The following ROBO2 variants were observed in gnomAD, a reference collection of about 807,000 sequenced individuals.
The protein encoded by ROBO2 is roundabout guidance receptor 2, also known as roundabout homolog 2.
A neutral mutation model predicts 160.8 loss-of-function variants in ROBO2; 53 were observed. The ratio of observed to expected loss-of-function variants is 0.33; its 90% CI spans 0.26 to 0.41. The LOEUF (loss-of-function observed/expected upper bound fraction) is 0.41, where lower values mean the gene tolerates loss of function less well. ROBO2 is among the 10% of genes least tolerant of loss of function. The pLI is 1.00. For missense variants in ROBO2, 1,577 were observed against 1,722.4 expected (o/e 0.92, Z 1.49); for synonymous variants, 664 against 611.7 (o/e 1.09, Z -1.26).
intron 2 of ROBO2, among the ~76,000 whole-genome samples, chr3:76,059,835 G>A (rs1251636111): frequency 6.6e-6 from 1 of 152,066 alleles, no homozygotes; most frequent in Non-Finnish European, 1.5e-5. Context: ...TATAAGGTGT[G>A]AGGAAAGGAT....
At chr3:76,503,930 T>C (rs1335162576) in intron 2 of ROBO2, among the ~76,000 whole-genome samples, 1 of 152,234 alleles carries the variant, frequency 6.6e-6, no homozygotes, top group Non-Finnish European at 1.5e-5. Context: ...TCATTACTCT[T>C]TTCTTTCTGC....
At chr3:76,477,235 A>G (rs1479855462) in intron 2 of ROBO2, among the ~76,000 whole-genome samples, 1 of 152,190 alleles carries the variant, frequency 6.6e-6, no homozygotes, top group African/African-American at 2.4e-5. Flanking sequence ...TAAAAAGATG[A>G]TGGGTAGGAT....
Position 77,291,470 on chromosome 3 carries a change from G to A in ROBO2, c.389-185944G>A, listed in dbSNP as rs553113854. Among the ~76,000 whole-genome samples the A allele has an allele frequency of 7.4e-4, 112 of 151,932 alleles. No individual in the cohort carries two copies. In the South Asian group the frequency reaches 0.018, roughly 25 times the overall value. On this transcript the variant is annotated intron_variant, in intron 2 of 25. Coordinates refer to ENST00000461745, the Ensembl canonical transcript of ROBO2. ...CATGAAGTAAAATTGATGGTTAAAC[G>A]GGTAGGCTGAGGCTAGATCACCCCA...
intron 2 of ROBO2, among the ~76,000 whole-genome samples, chr3:76,519,048 A>G (rs1468006369): frequency 6.6e-6 from 1 of 152,216 alleles, no homozygotes; most frequent in African/African-American, 2.4e-5. Context: ...AAGAGGTTGG[A>G]AAAACTTCCC....
At chr3:76,100,255 T>C (rs1450009370) in intron 2 of ROBO2, among the ~76,000 whole-genome samples, 1 of 152,218 alleles carries the variant, frequency 6.6e-6, no homozygotes, top group East Asian at 1.9e-4. Flanking sequence ...AATATTGTGA[T>C]TGATTTCAGG....
intron 2 of ROBO2, among the ~76,000 whole-genome samples, chr3:77,032,327 A>C (rs1405764602): frequency 2.0e-5 from 3 of 152,194 alleles, no homozygotes; most frequent in Non-Finnish European, 4.4e-5. Flanking sequence ...TCAAAGTTAC[A>C]TCATCAATTT....
At chr3:77,149,538 G>GGGAT (rs1389344476) in intron 2 of ROBO2, among the ~76,000 whole-genome samples, 1 of 152,034 alleles carries the variant, frequency 6.6e-6, no homozygotes, top group Non-Finnish European at 1.5e-5. Context: ...CTTGTCAAGT[G>GGGAT]GGATGTACAT....
At chr3:76,263,228 A>G (rs1344070828) in intron 2 of ROBO2, among the ~76,000 whole-genome samples, 2 of 152,106 alleles carry the variant, frequency 1.3e-5, no homozygotes, top group Non-Finnish European at 2.9e-5. Flanking sequence ...GAATCATGGT[A>G]CAATAGTCCT....
chr3:76,456,726 GCTGGTAAAGACGTACCCAAGA>G (rs780533043), intron 2 of ROBO2, among the ~76,000 whole-genome samples: 6 of 152,072 alleles, frequency 3.9e-5, no homozygotes, highest in Non-Finnish European at 8.8e-5. Flanking sequence ...TTTTCATGTT[GCTGGTAAAGACGTACCCAAGA>G]CTGGGAAGAA....
At chr3:77,218,475 G>A (rs1323516245) in intron 2 of ROBO2, among the ~76,000 whole-genome samples, 8 of 151,350 alleles carry the variant, frequency 5.3e-5, no homozygotes, top group Non-Finnish European at 4.4e-5. Context: ...CTGGGTTCAA[G>A]CAGTTCTCTG....
chr3:77,498,583 G>T (rs1582478245), intron 5 of ROBO2, among the ~76,000 whole-genome samples: 1 of 151,760 alleles, frequency 6.6e-6, no homozygotes, highest in South Asian at 2.1e-4. Flanking sequence ...TTTAAGAAAA[G>T]AAACTGAATG....
At chr3:76,578,023 C>T in intron 2 of ROBO2, among the ~76,000 whole-genome samples, 1 of 152,096 alleles carries the variant, frequency 6.6e-6, no homozygotes, top group East Asian at 1.9e-4. Flanking sequence ...TAATACAAAA[C>T]TAGTGTTTTG....
intron 2 of ROBO2, among the ~76,000 whole-genome samples, chr3:76,987,441 T>C (rs1158242402): frequency 1.3e-5 from 2 of 152,218 alleles, no homozygotes; most frequent in Non-Finnish European, 2.9e-5. Flanking sequence ...CATCAGGGTT[T>C]AGAGCTGAAT....
intron 2 of ROBO2, among the ~76,000 whole-genome samples, chr3:76,142,256 G>T (rs959617134): frequency 2.6e-5 from 4 of 151,932 alleles, no homozygotes; most frequent in African/African-American, 9.7e-5. Flanking sequence ...GAACAGTATG[G>T]AGGTTCCTCA....
At chr3:76,796,960 A>T (rs1389853926) in intron 2 of ROBO2, among the ~76,000 whole-genome samples, 1 of 152,166 alleles carries the variant, frequency 6.6e-6, no homozygotes, top group Non-Finnish European at 1.5e-5. Flanking sequence ...AAATATCTTC[A>T]GAGCTAAAGA....
At chr3:76,059,944 A>T (rs528950042) in intron 2 of ROBO2, among the ~76,000 whole-genome samples, 2 of 152,256 alleles carry the variant, frequency 1.3e-5, no homozygotes, top group South Asian at 4.2e-4. Context: ...AGGTTTGTCA[A>T]AGATCAGATG....
intron 2 of ROBO2, among the ~76,000 whole-genome samples, chr3:76,072,619 A>G (rs778746375): frequency 1.3e-5 from 2 of 152,144 alleles, no homozygotes; most frequent in Non-Finnish European, 2.9e-5. Context: ...CACACTTCAT[A>G]TTATGGCTTA....
At chr3:76,558,841 G>C (rs1243169439) in intron 2 of ROBO2, among the ~76,000 whole-genome samples, 1 of 152,142 alleles carries the variant, frequency 6.6e-6, no homozygotes, top group African/African-American at 2.4e-5. Context: ...AACCTCTGGA[G>C]ACTTTTCTGC....
chr3:76,272,953 AATATAT>A (rs1468068010), intron 2 of ROBO2, among the ~76,000 whole-genome samples: 3 of 31,306 alleles, frequency 9.6e-5, no homozygotes, highest in African/African-American at 2.2e-4. Flanking sequence ...TAAAATATAT[AATATAT>A]ATTTATATAT....
Sources: gnomAD v4.1 joint callset for allele counts (sites outside exome capture counted in the v4.1 genomes callset) on GRCh38, gnomAD v4.1.1 for gene constraint, MANE v1.5 for transcripts, NCBI Gene and HGNC (gene_info 2026-07-23, HGNC 2026-07-21) for gene names.